DRD3: variants seen among roughly 807,000 people sequenced by gnomAD.
The protein encoded by DRD3 is dopamine receptor D3, also known as D(3) dopamine receptor.
In DRD3, 19 loss-of-function variants were observed where a neutral mutation model predicts 36.3. The ratio of observed to expected loss-of-function variants is 0.52; its 90% CI spans 0.36 to 0.77. DRD3 has a LOEUF of 0.77. Ranked by LOEUF, DRD3 falls within the 30% of genes least tolerant of loss-of-function variation. DRD3 has a pLI of 0.00. For synonymous variants in DRD3, 195 were observed against 203.7 expected, an observed-to-expected ratio of 0.96 and a Z score of 0.36; for missense variants, 465 against 505.3, an observed-to-expected ratio of 0.92 and a Z score of 0.77.
At chr3:114,196,037 A>G (rs530487481) in intron 1 of DRD3, among the ~76,000 whole-genome samples, 11 of 152,318 alleles carry the variant, frequency 7.2e-5, no homozygotes, top group Non-Finnish European at 1.6e-4. Flanking sequence ...AACCTTTGGA[A>G]TACCTTTGTG....
upstream of DRD3, among the ~76,000 whole-genome samples, chr3:114,180,513 C>A (rs550171664): frequency 4.9e-4 from 75 of 152,224 alleles, no homozygotes; most frequent in African/African-American, 1.4e-3. Context: ...CATCTGTCTG[C>A]AAGCCAAGGA....
chr3:114,197,277 A>ATTTT (rs58452737), intron 1 of DRD3, among the ~76,000 whole-genome samples: 1,070 of 89,436 alleles, frequency 0.012, no homozygotes, highest in Non-Finnish European at 0.016. Context: ...AATTAAAAAA[A>ATTTT]TTTTTTTTTT....
chr3:114,171,764 G>A lies in DRD3; in HGVS notation c.229C>T (p.Leu77=), dbSNP rs149488384. 1 of 1,612,404 alleles carries A rather than the reference G, an allele frequency of 6.2e-7. No homozygotes were observed. The highest frequency in any genetic ancestry group is 1.3e-5 in the African/African-American group (1 of 74,874). The part of the protein sequence containing the change: ...LVVSLAVADL[L]VATLVMPWVV... ...CAGGGCATCACCAAGGTGGCCACCA[G>A]CAAGTCTGCCACAGCCAGGCTCACT... The change falls in exon 2 of 7, where the codon CTG becomes TTG. Residue 77 remains leucine, a synonymous_variant. Coordinates refer to ENST00000383673, the MANE Select transcript of DRD3 (RefSeq NM_000796.6).
At chr3:114,186,216 A>T (rs1049582989) in intron 1 of DRD3, among the ~76,000 whole-genome samples, 10 of 152,310 alleles carry the variant, frequency 6.6e-5, no homozygotes, top group African/African-American at 2.4e-4. Context: ...GTAGATTTTT[A>T]AAAAATGGAA....
chr3:114,143,513 T>G (rs1392566401), intron 4 of DRD3, among the ~76,000 whole-genome samples: 1 of 152,244 alleles, frequency 6.6e-6, no homozygotes, highest in Non-Finnish European at 1.5e-5. Context: ...ACAGCTTGGC[T>G]CAGAGCAGGT....
At chr3:114,132,453 C>G (rs1201737003) in intron 5 of DRD3, among the ~76,000 whole-genome samples, 5 of 151,894 alleles carry the variant, frequency 3.3e-5, no homozygotes, top group African/African-American at 1.2e-4. Flanking sequence ...AATACCTAAT[C>G]CATGCAGAGC....
Position 114,142,047 on chromosome 3 carries a change from C to CA in DRD3, c.527-2352dup, listed in dbSNP as rs771946847. On this transcript the variant is annotated intron_variant, in intron 4 of 6. Coordinates refer to ENST00000383673, the MANE Select transcript of DRD3 (RefSeq NM_000796.6). ...TGGGCGATAGAGCGAGACTCTCTCT[C>CA]AAAAAAAAAAAAAAAAAAAAAAAAA... Among the ~76,000 whole-genome samples the CA allele has an allele frequency of 2.0e-3, 129 of 64,668 alleles. 3 individuals are homozygous for CA. The highest frequency in any genetic ancestry group is 3.4e-3 in the Admixed American group (16 of 4,768). The allele number at this position is 64,668 out of a possible 152,430, so 42.4% of individuals were successfully genotyped here.
chr3:114,170,914 G>A (rs1025494631), intron 2 of DRD3, among the ~76,000 whole-genome samples: 1 of 152,086 alleles, frequency 6.6e-6, no homozygotes, highest in Non-Finnish European at 1.5e-5. Context: ...GTAATTGCAT[G>A]TTTTCCTGGT....
chr3:114,170,466 C>T (rs951061399), intron 2 of DRD3, among the ~76,000 whole-genome samples: 9 of 151,946 alleles, frequency 5.9e-5, no homozygotes, highest in African/African-American at 2.2e-4. Context: ...ATTATAAGAC[C>T]CTTCACCCTC....
intron 1 of DRD3, among the ~76,000 whole-genome samples, chr3:114,198,385 C>A (rs2078048234): frequency 6.6e-6 from 1 of 152,086 alleles, no homozygotes; most frequent in South Asian, 2.1e-4. Flanking sequence ...TATCTGCCCA[C>A]CTCAGCCTCC....
At chr3:114,153,629 T>C (rs1043532275) in intron 3 of DRD3, among the ~76,000 whole-genome samples, 1 of 152,214 alleles carries the variant, frequency 6.6e-6, no homozygotes, top group Non-Finnish European at 1.5e-5. Context: ...CACATTGCTA[T>C]TAAACTGTAG....
intron 5 of DRD3, among the ~76,000 whole-genome samples, chr3:114,135,533 C>T (rs1297320246): frequency 6.6e-6 from 1 of 152,144 alleles, no homozygotes; most frequent in Non-Finnish European, 1.5e-5. Flanking sequence ...GCTTATTTCA[C>T]TTAACATGAC....
chr3:114,147,472 C>A lies in DRD3; in HGVS notation c.469G>T (p.Val157Phe). 5.0e-6 allele frequency: 8 copies of A among 1,614,000 alleles called. No individual in the cohort carries two copies. Among genetic ancestry groups the A allele is most frequent in the East Asian group, 2.2e-5 (1 of 44,854 alleles). Reference protein sequence around the residue: ...CRRVALMITAVWVLAFAVSCP... With the variant: ...CRRVALMITAFWVLAFAVSCP... ...GACACAGCAAAGGCCAGTACCCAGACGGCCGTGATCATGAGGGCCACGCGC... is the reference window on the plus strand; with the variant it reads ...GACACAGCAAAGGCCAGTACCCAGAAGGCCGTGATCATGAGGGCCACGCGC... The change falls in exon 4 of 7, where the codon GTC becomes TTC. Residue 157 changes from valine (V) to phenylalanine (F), a missense_variant. Physicochemically the swap from Val to Phe is conservative, Grantham distance 50 (BLOSUM62 -1). Transcript: ENST00000383673.
chr3:114,128,627 A>T lies in DRD3; in HGVS notation c.*89T>A. ...GCTCCAGGAATCTTCTTCCTACTGCATGCCGGAGGACACTGCACAGTCTTT... is the reference window on the plus strand; with the variant it reads ...GCTCCAGGAATCTTCTTCCTACTGCTTGCCGGAGGACACTGCACAGTCTTT... On this transcript the variant is annotated 3_prime_UTR_variant, in exon 7 of 7. Transcript: ENST00000383673. 1.5e-6 allele frequency: 2 copies of T among 1,306,788 alleles called. No individual in the cohort carries two copies. Among genetic ancestry groups the T allele is most frequent in the Non-Finnish European group, 2.0e-6 (2 of 978,678 alleles). The allele number at this position is 1,306,788 out of a possible 1,614,324, so 80.9% of individuals were successfully genotyped here. A position where few individuals can be genotyped will look rare whatever the true frequency, so the allele number is the denominator to read the frequency against.
intron 3 of DRD3, among the ~76,000 whole-genome samples, chr3:114,159,246 C>T (rs1458429654): frequency 6.6e-6 from 1 of 152,092 alleles, no homozygotes; most frequent in Non-Finnish European, 1.5e-5. Context: ...AGATCACAGC[C>T]ATGCTTTCTA....
intron 4 of DRD3, among the ~76,000 whole-genome samples, chr3:114,140,065 A>T (rs1242071220): frequency 6.6e-6 from 1 of 152,152 alleles, no homozygotes; most frequent in East Asian, 1.9e-4. Context: ...GGCTGGGGAG[A>T]GCATTACAGG....
chr3:114,161,193 G>A (rs1052400138), intron 2 of DRD3, among the ~76,000 whole-genome samples: 4 of 152,190 alleles, frequency 2.6e-5, no homozygotes, highest in African/African-American at 9.7e-5. Flanking sequence ...CTGTAGCTGA[G>A]TATTCACAAT....
rs770828404 is a variant in DRD3 at position 114,159,754 on chromosome 3, C to T, written c.383+1G>A. 4 of 1,613,476 alleles carry T rather than the reference C, an allele frequency of 2.5e-6. No homozygotes were observed. The highest frequency in any genetic ancestry group is 1.1e-5 in the South Asian group (1 of 91,030). ...ACCTGGAAGGGGAATTGCAGCCCTA[C>T]CTGTCTATGCTGATGGCACAGAGAT... On this transcript the variant is annotated splice_donor_variant, in intron 3 of 6. Transcript: ENST00000383673. LOFTEE classifies it high-confidence loss of function.
intron 5 of DRD3, 85 bp from the exon 6 acceptor site, chr3:114,131,485 A>G (rs73232569): frequency 0.019 from 28,074 of 1,503,872 alleles, 366 homozygotes; most frequent in East Asian, 0.058. Context: ...AGAGAATTCA[A>G]AGAAGGAAGA....
Sources: gnomAD v4.1 joint callset for allele counts (sites outside exome capture counted in the v4.1 genomes callset) on GRCh38, gnomAD v4.1.1 for gene constraint, MANE v1.5 for transcripts, NCBI Gene and HGNC (gene_info 2026-07-23, HGNC 2026-07-21) for gene names.